The following MINDY3 variants were observed in gnomAD, a reference collection of about 807,000 sequenced individuals.
The protein encoded by MINDY3 is MINDY lysine 48 deubiquitinase 3.
MINDY3 carries 38 observed loss-of-function variants against 69.2 expected under a neutral mutation model. The ratio of observed to expected loss-of-function variants is 0.55; its 90% CI spans 0.42 to 0.72. The LOEUF (loss-of-function observed/expected upper bound fraction) is 0.72, where lower values mean the gene tolerates loss of function less well. Ranked by LOEUF, MINDY3 falls within the 30% of genes least tolerant of loss-of-function variation. MINDY3 has a pLI of 0.00. For missense variants in MINDY3, 522 were observed against 519.0 expected (o/e 1.01, Z -0.06); for synonymous variants, 192 against 180.1 (o/e 1.07, Z -0.53).
chr10:15,849,315 A>G (rs1444001012), intron 1 of MINDY3, among the ~76,000 whole-genome samples: 1 of 152,174 alleles, frequency 6.6e-6, no homozygotes, highest in Non-Finnish European at 1.5e-5. Flanking sequence ...AAAGGGTAGT[A>G]CGGGGGTAGG....
intron 12 of MINDY3, 38 bp from the exon 13 acceptor site, chr10:15,786,686 G>GAA: frequency 2.6e-5 from 28 of 1,094,070 alleles, no homozygotes; most frequent in African/African-American, 4.9e-5. Flanking sequence ...GATACCAGAG[G>GAA]AAAAAAAAAA....
chr10:15,821,756 C>A (rs377193908), intron 8 of MINDY3, 30 bp from the exon 9 acceptor site: 3 of 1,587,622 alleles, frequency 1.9e-6, no homozygotes, highest in Non-Finnish European at 8.6e-7. Context: ...CAACAAAAAA[C>A]GAAAACTTAG....
chr10:15,840,619 T>C (rs759375490), intron 4 of MINDY3, among the ~76,000 whole-genome samples: 9 of 151,770 alleles, frequency 5.9e-5, no homozygotes, highest in Non-Finnish European at 1.0e-4. Flanking sequence ...TGATAGTTAA[T>C]GTGATGCTCT....
chr10:15,845,119 T>C (rs1211346322), intron 2 of MINDY3, among the ~76,000 whole-genome samples: 1 of 152,236 alleles, frequency 6.6e-6, no homozygotes, highest in African/African-American at 2.4e-5. Flanking sequence ...AAGTTTCTTA[T>C]TGTTAAATAT....
intron 13 of MINDY3, 141 bp from the exon 14 acceptor site, chr10:15,782,367 T>G: frequency 1.6e-6 from 1 of 608,170 alleles, no homozygotes; most frequent in Non-Finnish European, 2.8e-6. Context: ...AACTTAGGTT[T>G]ATGGAGTTGT....
chr10:15,809,914 T>C (rs1838884317), intron 10 of MINDY3, among the ~76,000 whole-genome samples: 1 of 152,086 alleles, frequency 6.6e-6, no homozygotes, highest in South Asian at 2.1e-4. Context: ...TAAAACATGG[T>C]GGTTTAAATT....
At chr10:15,781,041 T>C (rs141919790) in intron 14 of MINDY3, among the ~76,000 whole-genome samples, 118 of 152,234 alleles carry the variant, frequency 7.8e-4, no homozygotes, top group African/African-American at 2.6e-3. Context: ...ATAAAGTACC[T>C]CCTATTACAA....
intron 11 of MINDY3, among the ~76,000 whole-genome samples, chr10:15,792,120 G>C (rs1302129723): frequency 6.6e-6 from 1 of 151,870 alleles, no homozygotes; most frequent in East Asian, 1.9e-4. Context: ...AAAAAAAATA[G>C]AATTTAATAA....
intron 4 of MINDY3, among the ~76,000 whole-genome samples, chr10:15,840,966 A>G (rs958104789): frequency 1.6e-4 from 25 of 151,632 alleles, no homozygotes; most frequent in African/African-American, 5.8e-4. Context: ...AAAAATATCC[A>G]AATAATTCGG....
rs1837354930 is a variant in MINDY3, at chr10:15,790,863, T to C, written c.956-1544A>G. ...GGGATGCTCAGTCTGTACACCGTTT[T>C]TCAGGAGCACTGACAGCATGTACTT... On this transcript the variant is annotated intron_variant, in intron 11 of 14. Transcript: ENST00000277632. 2.6e-5 allele frequency among the ~76,000 whole-genome samples: 4 copies of C among 152,120 alleles called. 1 individual carries two copies. In the South Asian group the frequency reaches 8.3e-4, roughly 31 times the overall value.
At chr10:15,851,731 C>A (rs989290376) in intron 1 of MINDY3, among the ~76,000 whole-genome samples, 1 of 152,092 alleles carries the variant, frequency 6.6e-6, no homozygotes, top group South Asian at 2.1e-4. Context: ...CAGTCCCCAA[C>A]TATTCACCAC....
chr10:15,838,441 A>G (rs1375960693), intron 4 of MINDY3, among the ~76,000 whole-genome samples, 162 bp from the exon 5 acceptor site: 1 of 151,794 alleles, frequency 6.6e-6, no homozygotes, highest in African/African-American at 2.4e-5. Flanking sequence ...ATGAATTTAT[A>G]TTTCAACATC....
chr10:15,798,574 G>C (rs1354841327), intron 10 of MINDY3, among the ~76,000 whole-genome samples: 2 of 151,360 alleles, frequency 1.3e-5, no homozygotes, highest in African/African-American at 4.9e-5. Context: ...TCAGGACTTA[G>C]TTAGAGACCA....
chr10:15,779,341 T>C (rs1030677500), intron 14 of MINDY3, among the ~76,000 whole-genome samples, 200 bp from the exon 15 acceptor site: 9 of 152,354 alleles, frequency 5.9e-5, no homozygotes, highest in African/African-American at 2.2e-4. Flanking sequence ...AAACGATATT[T>C]AATTGCTAGC....
intron 14 of MINDY3, among the ~76,000 whole-genome samples, chr10:15,779,947 GC>G: frequency 6.6e-6 from 1 of 152,222 alleles, no homozygotes; most frequent in East Asian, 1.9e-4. Flanking sequence ...ATTACCAAGG[GC>G]TCACTGTGGA....
At chr10:15,794,757 G>GAGT (rs1045555118) in intron 11 of MINDY3, among the ~76,000 whole-genome samples, 6 of 152,022 alleles carry the variant, frequency 3.9e-5, no homozygotes, top group African/African-American at 1.4e-4. Context: ...CCTCATTAGT[G>GAGT]ATTACTAAAA....
At chr10:15,850,327 C>T in intron 1 of MINDY3, among the ~76,000 whole-genome samples, 1 of 152,136 alleles carries the variant, frequency 6.6e-6, no homozygotes, top group Non-Finnish European at 1.5e-5. Context: ...AACAGGATGG[C>T]TGCAGTGTTC....
chr10:15,797,384 G>C lies in MINDY3; in HGVS notation c.883-1212C>G, dbSNP rs4442439. Among the ~76,000 whole-genome samples the C allele has an allele frequency of 1.8e-3, 271 of 152,220 alleles. 1 individual carries two copies. Among genetic ancestry groups the C allele is most frequent in the African/African-American group, 6.2e-3 (258 of 41,568 alleles). Reference sequence around the variant, plus strand: ...AGTTGTCTCTCATTTACCATCCCTTGCTAGAAACTTCTTAGGCTCACCCTT... The same window carrying C: ...AGTTGTCTCTCATTTACCATCCCTTCCTAGAAACTTCTTAGGCTCACCCTT... On this transcript the variant is annotated intron_variant, in intron 10 of 14. Coordinates refer to ENST00000277632, the MANE Select transcript of MINDY3 (RefSeq NM_024948.4).
At position 15,841,511 on chromosome 10, in the gene MINDY3, A is replaced by G. The variant is rs1833465280; in HGVS notation, c.324T>C (p.Val108=). The G allele has an allele frequency of 6.2e-7, 1 of 1,612,114 alleles. No individual in the cohort carries two copies. The highest frequency in any genetic ancestry group is 1.7e-5 in the Admixed American group (1 of 59,920). Residue 108 remains valine (V), a synonymous_variant, in exon 4 of 15, where the codon GTT becomes GTC. Coordinates refer to ENST00000277632, the MANE Select transcript of MINDY3 (RefSeq NM_024948.4). ...CCDHSGSYCL[V]SWLRGKTTEE... ...CAGTTGTCTTTCCTCTTAACCATGA[A>G]ACCAAGCAGTATGATCCAGAGTGGT...
Sources: gnomAD v4.1 joint callset for allele counts (sites outside exome capture counted in the v4.1 genomes callset) on GRCh38, gnomAD v4.1.1 for gene constraint, MANE v1.5 for transcripts, NCBI Gene and HGNC (gene_info 2026-07-23, HGNC 2026-07-21) for gene names.